TENM4: variants seen among roughly 807,000 people sequenced by gnomAD.
The protein encoded by TENM4 is teneurin-4.
TENM4 carries 82 observed loss-of-function variants against 243.3 expected under a neutral mutation model. The ratio of observed to expected loss-of-function variants is 0.34; its 90% CI spans 0.28 to 0.40. The LOEUF (loss-of-function observed/expected upper bound fraction) is 0.40. TENM4 is among the 10% of genes least tolerant of loss of function. The pLI is 1.00. For missense variants in TENM4, 3,138 were observed against 3,673.3 expected (o/e 0.85, Z 3.77); for synonymous variants, 1,412 against 1,456.3 (o/e 0.97, Z 0.69).
chr11:79,328,282 G>A (rs967762145), intron 1 of TENM4, among the ~76,000 whole-genome samples: 1 of 152,172 alleles, frequency 6.6e-6, no homozygotes, highest in Non-Finnish European at 1.5e-5. Context: ...ACTTACCCAG[G>A]AACCAAGAAG....
intron 2 of TENM4, among the ~76,000 whole-genome samples, chr11:79,296,311 C>A (rs1169451010): frequency 6.6e-6 from 1 of 152,140 alleles, no homozygotes; most frequent in African/African-American, 2.4e-5. Context: ...AAGGTCACTG[C>A]ACAAGAAGGG....
chr11:79,247,645 C>T (rs908433949), intron 2 of TENM4, among the ~76,000 whole-genome samples: 1 of 152,142 alleles, frequency 6.6e-6, no homozygotes, highest in African/African-American at 2.4e-5. Flanking sequence ...TATTCTACAG[C>T]AACAGAAATA....
rs980224978 is a variant in TENM4, at chr11:79,222,357, A to G, written c.-264-6448T>C. ...TCTCGTTCCTTTTTTATGGCTGCATAGTATTCCATGGTGTATATGTACAAC... is the reference window on the plus strand; with the variant it reads ...TCTCGTTCCTTTTTTATGGCTGCATGGTATTCCATGGTGTATATGTACAAC... On this transcript the variant is annotated intron_variant, in intron 2 of 33. Transcript: ENST00000278550. Among the ~76,000 whole-genome samples, 4 of 152,314 alleles carry G rather than the reference A, an allele frequency of 2.6e-5. 1 individual carries two copies. Among genetic ancestry groups the G allele is most frequent in the Middle Eastern group, 6.8e-3 (2 of 294 alleles).
chr11:79,363,052 G>C (rs995102299), intron 1 of TENM4, among the ~76,000 whole-genome samples: 4 of 152,210 alleles, frequency 2.6e-5, no homozygotes, highest in Non-Finnish European at 5.9e-5. Flanking sequence ...CAGGTGGATT[G>C]CAACTCCTGA....
rs1315206349 is a variant in TENM4 at position 79,440,543 on chromosome 11, G to A, written c.-355C>T. 1.3e-5 allele frequency: 2 copies of A among 152,180 alleles called. No individual in the cohort carries two copies. The highest frequency in any genetic ancestry group is 2.9e-5 in the Non-Finnish European group (2 of 68,066). The allele number at this position is 152,180 out of a possible 1,614,324, so 9.4% of individuals were successfully genotyped here. A position where few individuals can be genotyped will look rare whatever the true frequency, so the allele number is the denominator to read the frequency against. ...AGGCTGCTACCGCCGGGGAAGCGGCGAGGACGGCGGCAGGGAGGCAAGGCG... is the reference window on the plus strand; with the variant it reads ...AGGCTGCTACCGCCGGGGAAGCGGCAAGGACGGCGGCAGGGAGGCAAGGCG... On this transcript the variant is annotated 5_prime_UTR_variant, in exon 1 of 34. Transcript: ENST00000278550. This position sits in a 1 kb window ranked among gnomAD's most constrained non-coding sequence, Gnocchi z 4.7.
intron 1 of TENM4, among the ~76,000 whole-genome samples, chr11:79,356,142 T>A (rs868827464): frequency 6.6e-6 from 1 of 152,250 alleles, no homozygotes; most frequent in Middle Eastern, 3.4e-3. Context: ...CATCAGCAGA[T>A]CCCTGCCTTG....
At chr11:78,933,374 A>T (rs1222948138) in intron 6 of TENM4, among the ~76,000 whole-genome samples, 1 of 152,238 alleles carries the variant, frequency 6.6e-6, no homozygotes, top group Non-Finnish European at 1.5e-5. Flanking sequence ...GGAAATTAAA[A>T]TGCTGCATAA....
chr11:79,115,246 AC>A (rs1274999604), intron 4 of TENM4, among the ~76,000 whole-genome samples: 2 of 152,146 alleles, frequency 1.3e-5, no homozygotes, highest in African/African-American at 4.8e-5. Flanking sequence ...TGCCATGCAG[AC>A]ACTTGGTGGG....
intron 3 of TENM4, among the ~76,000 whole-genome samples, chr11:79,170,519 C>T (rs975472520): frequency 1.3e-5 from 2 of 152,172 alleles, no homozygotes; most frequent in Non-Finnish European, 2.9e-5. Flanking sequence ...GTAGGGCAGG[C>T]CCCTAATCCA....
At chr11:79,311,917 C>A (rs934061593) in intron 1 of TENM4, among the ~76,000 whole-genome samples, 2 of 152,190 alleles carry the variant, frequency 1.3e-5, no homozygotes, top group African/African-American at 4.8e-5. Flanking sequence ...TTTTGATTTT[C>A]TTTTTCCCTG....
At chr11:79,201,601 T>C (rs959700861) in intron 3 of TENM4, among the ~76,000 whole-genome samples, 3 of 151,984 alleles carry the variant, frequency 2.0e-5, no homozygotes, top group Non-Finnish European at 2.9e-5. Context: ...ATGCAGGGGA[T>C]ACTGGCATGA....
intron 3 of TENM4, among the ~76,000 whole-genome samples, chr11:79,172,573 C>A (rs1383041590): frequency 6.6e-6 from 1 of 152,150 alleles, no homozygotes; most frequent in Non-Finnish European, 1.5e-5. Flanking sequence ...TGGCCTTCTC[C>A]TTTGTGTCCT....
chr11:79,125,500 G>A (rs993607986), intron 4 of TENM4, among the ~76,000 whole-genome samples: 1 of 152,168 alleles, frequency 6.6e-6, no homozygotes, highest in Non-Finnish European at 1.5e-5. Context: ...AGCCTCACCA[G>A]GTGTCTACGG....
chr11:79,193,347 G>C (rs1171084555), intron 3 of TENM4, among the ~76,000 whole-genome samples: 1 of 152,202 alleles, frequency 6.6e-6, no homozygotes, highest in Non-Finnish European at 1.5e-5. Context: ...CTTTCCATGT[G>C]AAATGCTGCC....
chr11:78,810,010 C>T (rs942911326), intron 14 of TENM4, among the ~76,000 whole-genome samples: 4 of 151,966 alleles, frequency 2.6e-5, no homozygotes, highest in Non-Finnish European at 5.9e-5. Context: ...CTACTGGCTG[C>T]GTTCAAGCTT....
intron 6 of TENM4, among the ~76,000 whole-genome samples, chr11:78,908,366 G>C (rs148420085): frequency 3.3e-5 from 5 of 152,216 alleles, no homozygotes; most frequent in Non-Finnish European, 1.5e-5. Flanking sequence ...TTAGCACCAT[G>C]CTTGGAATAT....
intron 6 of TENM4, among the ~76,000 whole-genome samples, chr11:78,996,185 C>T (rs1374928778): frequency 6.6e-6 from 1 of 152,160 alleles, no homozygotes; most frequent in African/African-American, 2.4e-5. Context: ...CCTGGCTGGC[C>T]CTGTGACTAC....
chr11:78,847,047 A>AT (rs1387107937), intron 12 of TENM4, among the ~76,000 whole-genome samples: 1 of 152,038 alleles, frequency 6.6e-6, no homozygotes, highest in African/African-American at 2.4e-5. Flanking sequence ...ATCTTTTCTT[A>AT]TTTTTCCTGC....
chr11:78,833,001 G>T (rs1858017967), intron 12 of TENM4, among the ~76,000 whole-genome samples: 1 of 152,142 alleles, frequency 6.6e-6, no homozygotes, highest in Non-Finnish European at 1.5e-5. Flanking sequence ...CCTCAAATAA[G>T]CCATCCAAAT....
Sources: allele counts gnomAD v4.1 joint callset (sites outside exome capture counted in the v4.1 genomes callset), GRCh38; gene constraint gnomAD v4.1.1; non-coding constraint Gnocchi (gnomAD v3.1); transcripts MANE v1.5; gene names NCBI Gene and HGNC (gene_info 2026-07-23, HGNC 2026-07-21).